Variants in PIGN observed in about 807,000 individuals in gnomAD.
PIGN encodes the protein GPI ethanolamine phosphate transferase 1.
PIGN carries 117 observed loss-of-function variants against 125.4 expected under a neutral mutation model. The observed-to-expected ratio is 0.93, with a 90% confidence interval of 0.80 to 1.09. PIGN has a LOEUF of 1.09. Ranked by LOEUF, PIGN falls within the 50% of genes least tolerant of loss-of-function variation. The pLI is 0.00. For synonymous variants in PIGN, 392 were observed against 377.8 expected (o/e 1.04, Z -0.44); for missense variants, 1,075 against 1,094.9 (o/e 0.98, Z 0.26).
At position 62,041,697 on chromosome 18, in the gene PIGN, GTGTGTGTGTT is replaced by G. The variant is rs1309333344; in HGVS notation, c.*4149_*4158del. 2.0e-5 allele frequency: 3 copies of G among 149,634 alleles called. No individual in the cohort carries two copies. Among genetic ancestry groups the G allele is most frequent in the South Asian group, 2.1e-4 (1 of 4,702 alleles). 9.3% of individuals were successfully genotyped at this position (149,634 alleles called of 1,614,324 possible). ...TGTGTGTGTGTGTGTGTGTGTGTGT[GTGTGTGTGTT>G]TAGTAGAGATGGGGTTTTGCCATCT... On this transcript the variant is annotated 3_prime_UTR_variant, in exon 31 of 31. Coordinates refer to ENST00000640252, the MANE Select transcript of PIGN (RefSeq NM_176787.5).
chr18:62,178,459 T>C (rs979133623), intron 1 of PIGN, among the ~76,000 whole-genome samples: 2 of 151,888 alleles, frequency 1.3e-5, no homozygotes, highest in African/African-American at 4.8e-5. Flanking sequence ...TTACTAAAAA[T>C]ACACAAACCT....
In PIGN at chr18:62,076,169, CG is replaced by C. The variant is rs138910114; in HGVS notation, c.2577-1349del. The stretch of plus-strand genomic sequence containing the variant: ...CAGGCTAGTCTTGTACTCCTGACCT[CG>C]TATCCGCCCGCCTCGGCCTCCCAAA... On this transcript the variant is annotated intron_variant, in intron 28 of 30. Transcript: ENST00000640252. 1,468 of 152,300 alleles carry C rather than the reference CG, an allele frequency of 9.6e-3. 47 individuals carry two copies. Among genetic ancestry groups the C allele is most frequent in the East Asian group, 0.069 (355 of 5,162 alleles). The allele number at this position is 152,300 out of a possible 1,614,324, so 9.4% of individuals were successfully genotyped here. A position where few individuals can be genotyped will look rare whatever the true frequency, so the allele number is the denominator to read the frequency against.
intron 23 of PIGN, among the ~76,000 whole-genome samples, chr18:62,020,637 C>T (rs1383502258): frequency 1.3e-5 from 2 of 151,792 alleles, no homozygotes; most frequent in African/African-American, 4.8e-5. Context: ...CTCCTACCTA[C>T]CCATTAGAAT....
chr18:62,152,614 A>T (rs1446722913), intron 7 of PIGN, among the ~76,000 whole-genome samples: 2 of 152,182 alleles, frequency 1.3e-5, no homozygotes, highest in East Asian at 1.9e-4. Context: ...ATTTTTTAAT[A>T]AAGTGTTGAT....
intron 22 of PIGN, among the ~76,000 whole-genome samples, chr18:62,096,597 TG>T (rs1212028710): frequency 8.2e-6 from 1 of 122,400 alleles, no homozygotes; most frequent in Non-Finnish European, 1.6e-5. Context: ...TAGTTACATA[TG>T]TATACATGTG....
chr18:62,062,630 G>A (rs1380100670), intron 30 of PIGN, among the ~76,000 whole-genome samples: 1 of 151,866 alleles, frequency 6.6e-6, no homozygotes, highest in East Asian at 1.9e-4. Flanking sequence ...GTATATTCAG[G>A]GCAGCTCCCA....
At chr18:62,157,998 A>G (rs1010881283) in intron 4 of PIGN, 190 bp from the exon 5 acceptor site, 6 of 519,758 alleles carry the variant, frequency 1.2e-5, no homozygotes, top group African/African-American at 1.1e-4. Flanking sequence ...ATGCAGCAGC[A>G]TGAATTTGCT....
intron 17 of PIGN, 97 bp downstream of exon 17, chr18:62,109,737 T>C (rs891930937): frequency 9.8e-7 from 1 of 1,017,136 alleles, no homozygotes; most frequent in Non-Finnish European, 1.4e-6. Flanking sequence ...ATTATAAATA[T>C]ATTTGATGAC....
At position 62,041,766 on chromosome 18, in the gene PIGN, T is replaced by C. The variant is rs2030392511; in HGVS notation, c.*4090A>G. ...CTGGTCTCGAACTCCTGACCTCAAG[T>C]GATCCACCCACCTCGGCCTCCCAAA... On this transcript the variant is annotated 3_prime_UTR_variant, in exon 31 of 31. Transcript: ENST00000640252. 6.9e-6 allele frequency: 1 copy of C among 144,002 alleles called. No individual in the cohort carries two copies. The highest frequency in any genetic ancestry group is 1.5e-5 in the Non-Finnish European group (1 of 66,336). The allele number at this position is 144,002 out of a possible 1,614,324, so 8.9% of individuals were successfully genotyped here.
chr18:62,142,107 T>A (rs1450715503), intron 11 of PIGN, among the ~76,000 whole-genome samples: 1 of 152,214 alleles, frequency 6.6e-6, no homozygotes, highest in Non-Finnish European at 1.5e-5. Context: ...TAAGTTTACA[T>A]GTATTTGTAC....
chr18:62,135,061 G>C (rs1180367592), intron 14 of PIGN, among the ~76,000 whole-genome samples: 1 of 152,006 alleles, frequency 6.6e-6, no homozygotes, highest in East Asian at 1.9e-4. Context: ...CTCTCATTTG[G>C]ACCATTCTTA....
In PIGN at chr18:62,084,632, A is replaced by G. The variant is rs747923266; in HGVS notation, c.2427-26T>C. 9 of 1,352,280 alleles carry G rather than the reference A, an allele frequency of 6.7e-6. No individual in the cohort carries two copies. The African/African-American group carries it at 7.2e-5, about 11-fold the overall frequency. The allele number at this position is 1,352,280 out of a possible 1,614,324, so 83.8% of individuals were successfully genotyped here. On this transcript the variant is annotated intron_variant, in intron 26 of 30. Transcript: ENST00000640252. Reference sequence around the variant, plus strand: ...CTAGGGAATTATAACAAGGAAAAAGAATTTAGAATTCACTCTGTAACTTTA... The same window carrying G: ...CTAGGGAATTATAACAAGGAAAAAGGATTTAGAATTCACTCTGTAACTTTA...
intron 4 of PIGN, among the ~76,000 whole-genome samples, chr18:62,158,257 T>C (rs781389395): frequency 6.6e-6 from 1 of 152,150 alleles, no homozygotes; most frequent in Non-Finnish European, 1.5e-5. Context: ...TATAACTAGA[T>C]GGACATACAT....
chr18:62,034,991 A>G (rs2030240128), intron 23 of PIGN, among the ~76,000 whole-genome samples: 1 of 152,120 alleles, frequency 6.6e-6, no homozygotes, highest in Admixed American at 6.6e-5. Context: ...CCCACTTGTC[A>G]TGGGAGGGAC....
intron 7 of PIGN, among the ~76,000 whole-genome samples, chr18:62,151,805 C>G (rs989131391): frequency 3.9e-5 from 6 of 152,232 alleles, no homozygotes; most frequent in African/African-American, 1.4e-4. Flanking sequence ...CAGATCCTTA[C>G]AGATTTGTTG....
chr18:62,143,529 A>C (rs1348707287), intron 10 of PIGN, among the ~76,000 whole-genome samples, 183 bp from the exon 11 acceptor site: 1 of 152,252 alleles, frequency 6.6e-6, no homozygotes, highest in African/African-American at 2.4e-5. Flanking sequence ...ATTTAAAAAA[A>C]ACAAAAAGTA....
chr18:62,029,847 C>T (rs1361042276), intron 23 of PIGN, among the ~76,000 whole-genome samples: 1 of 152,182 alleles, frequency 6.6e-6, no homozygotes, highest in African/African-American at 2.4e-5. Flanking sequence ...AAAACCAGAT[C>T]CAGGACTCAT....
At chr18:62,168,853 A>ATTTTTTTTTTTTTTTTTTTT (rs375012504) in intron 1 of PIGN, among the ~76,000 whole-genome samples, 1 of 122,252 alleles carries the variant, frequency 8.2e-6, no homozygotes, top group Admixed American at 9.1e-5. Flanking sequence ...ACAACCACTA[A>ATTTTTTTTTTTTTTTTTTTT]TTTTTTTTTT....
In PIGN at chr18:62,043,105, T is replaced by C. The variant is rs2030444166; in HGVS notation, c.*2751A>G. On this transcript the variant is annotated 3_prime_UTR_variant, in exon 31 of 31. Transcript: ENST00000640252. ...GAAAAGGTGAGAAATGATCAAGTTATCTCTGGTCTCTTAAAAGAAGGAGTT... is the reference window on the plus strand; with the variant it reads ...GAAAAGGTGAGAAATGATCAAGTTACCTCTGGTCTCTTAAAAGAAGGAGTT... The C allele has an allele frequency of 6.6e-6, 1 of 152,170 alleles. No homozygotes were observed. The highest frequency in any genetic ancestry group is 6.6e-5 in the Admixed American group (1 of 15,266). 9.4% of individuals were successfully genotyped at this position (152,170 alleles called of 1,614,324 possible).
Sources: allele counts gnomAD v4.1 joint callset (sites outside exome capture counted in the v4.1 genomes callset), GRCh38; gene constraint gnomAD v4.1.1; transcripts MANE v1.5; gene names NCBI Gene and HGNC (gene_info 2026-07-23, HGNC 2026-07-21).